ATAD3B: variants seen among roughly 807,000 people sequenced by gnomAD.
ATAD3B encodes the protein ATPase family AAA domain containing 3B.
ATAD3B carries 59 observed loss-of-function variants against 70.2 expected under a neutral mutation model. The observed-to-expected ratio is 0.84, with a 90% CI of 0.68 to 1.04. The LOEUF (loss-of-function observed/expected upper bound fraction) is 1.04. ATAD3B is among the 50% of genes least tolerant of loss of function. The pLI, the probability that ATAD3B is intolerant of heterozygous loss-of-function variation, is 0.00. For missense variants in ATAD3B, 961 were observed against 913.4 expected, an observed-to-expected ratio of 1.05 and a Z score of -0.67; for synonymous variants, 423 against 388.6, an observed-to-expected ratio of 1.09 and a Z score of -1.04.
In ATAD3B at chr1:1,478,257, A is replaced by C. The variant is rs550311204; in HGVS notation, c.283-387A>C. ...GGTGATCCAGCCACTTTGGCCTCAC[A>C]AAGTGCTGGGATTATAGGCAAGAGC... On this transcript the variant is annotated intron_variant, in intron 2 of 15. Transcript: ENST00000673477. 37 of 650,604 alleles carry C rather than the reference A, an allele frequency of 5.7e-5. No homozygotes were observed. In the East Asian group the frequency reaches 1.0e-3, roughly 18 times the overall value. 40.3% of individuals were successfully genotyped at this position (650,604 alleles called of 1,614,324 possible).
At chr1:1,505,444 C>A in the ATAD3B span, among the ~76,000 whole-genome samples, 12 of 152,328 alleles carry the variant, frequency 7.9e-5, no homozygotes, top group Middle Eastern at 3.4e-3. Context: ...GTTAGGCCTT[C>A]GGATAACTGT....
intron 15 of ATAD3B, among the ~76,000 whole-genome samples, 155 bp from the exon 16 acceptor site, chr1:1,495,330 G>A (rs777345604): frequency 5.3e-5 from 8 of 152,180 alleles, no homozygotes; most frequent in East Asian, 1.9e-4. Context: ...GTCCACACGC[G>A]TGCTGGGCTC....
At chr1:1,491,955 TCAG>T (rs1640561592) in intron 15 of ATAD3B, among the ~76,000 whole-genome samples, 1 of 151,490 alleles carries the variant, frequency 6.6e-6, no homozygotes, top group Non-Finnish European at 1.5e-5. Context: ...GGAGGCCAAG[TCAG>T]TCAGATTATT....
intron 4 of ATAD3B, among the ~76,000 whole-genome samples, chr1:1,479,328 CCA>C (rs1313714830): frequency 6.8e-6 from 1 of 147,686 alleles, no homozygotes; most frequent in African/African-American, 2.5e-5. Flanking sequence ...AGGCACCTGC[CCA>C]CACAGACACA....
At chr1:1,478,492 G>T (rs752394354) in intron 2 of ATAD3B, 152 bp from the exon 3 acceptor site, 2 of 1,548,876 alleles carry the variant, frequency 1.3e-6, no homozygotes, top group South Asian at 1.2e-5. Context: ...GCCTGATCCT[G>T]GGTGCAGATG....
intron 5 of ATAD3B, among the ~76,000 whole-genome samples, 184 bp downstream of exon 5, chr1:1,481,120 C>G (rs1353458073): frequency 7.2e-6 from 1 of 139,762 alleles, no homozygotes; most frequent in Non-Finnish European, 1.5e-5. Context: ...CGAGTGGACG[C>G]CAGGATCTGT....
intron 1 of ATAD3B, among the ~76,000 whole-genome samples, chr1:1,473,049 T>C (rs927599617): frequency 1.3e-5 from 2 of 148,728 alleles, no homozygotes; most frequent in African/African-American, 5.0e-5. Flanking sequence ...GCTCTCCAAC[T>C]CCTGACCTCG....
In ATAD3B at chr1:1,485,777, G is replaced by T. The variant is rs1622213; in HGVS notation, c.907-5G>T. On this transcript the variant is annotated splice_polypyrimidine_tract_variant and splice_region_variant and intron_variant, in intron 8 of 15. Coordinates refer to ENST00000673477, the MANE Select transcript of ATAD3B (RefSeq NM_031921.6). ...CCAATGGTGCTTCCCCTTCCCCTCC[G>T]GCAGGTCAGCCGGCGGCTCCTCAGT... 1.2e-6 allele frequency: 2 copies of T among 1,612,576 alleles called. No homozygotes were observed. Among genetic ancestry groups the T allele is most frequent in the Middle Eastern group, 1.7e-4 (1 of 5,964 alleles).
chr1:1,488,791 C>T (rs376072261), intron 12 of ATAD3B, among the ~76,000 whole-genome samples: 1 of 151,736 alleles, frequency 6.6e-6, no homozygotes, highest in Admixed American at 6.6e-5. Flanking sequence ...ATCGCCTTGA[C>T]CTTCTGAAGT....
At chr1:1,502,506 CATTT>C (rs1640966934), downstream of ATAD3B, among the ~76,000 whole-genome samples, 3 of 113,704 alleles carry the variant, frequency 2.6e-5, no homozygotes, top group Admixed American at 9.3e-5. Flanking sequence ...CCGTGCCCAG[CATTT>C]TTTTTTTTTT....
Position 1,480,147 on chromosome 1 carries a change from TCATA to T in ATAD3B, c.445-714_445-711del, listed in dbSNP as rs1385103993. Among the ~76,000 whole-genome samples the T allele has an allele frequency of 3.4e-4, 46 of 135,952 alleles. 2 individuals carry two copies. The highest frequency in any genetic ancestry group is 1.3e-3 in the African/African-American group (43 of 34,010). The allele number at this position is 135,952 out of a possible 152,430, so 89.2% of individuals were successfully genotyped here. On this transcript the variant is annotated intron_variant, in intron 4 of 15. Coordinates refer to ENST00000673477, the MANE Select transcript of ATAD3B (RefSeq NM_031921.6). ...TACGCACCCCCACTCACAGTGTGCC[TCATA>T]CATACGGGCACGCACCTGCACACGA...
At chr1:1,473,426 G>T (rs986150528) in intron 1 of ATAD3B, among the ~76,000 whole-genome samples, 34 of 150,382 alleles carry the variant, frequency 2.3e-4, no homozygotes, top group Admixed American at 1.3e-3. Flanking sequence ...GGGTGGTCTC[G>T]ATCTCCTGAC....
rs373282278 is a variant in ATAD3B at position 1,482,347 on chromosome 1, C to G, written c.680+44C>G. The G allele has an allele frequency of 1.4e-4, 211 of 1,552,420 alleles. 6 individuals are homozygous for G. The African/African-American group carries it at 2.6e-3, about 19-fold the overall frequency. On this transcript the variant is annotated intron_variant, in intron 6 of 15. Transcript: ENST00000673477. ...CGGGCCGGCCACAGATGGAGCCCCGCAGGTGTGAGTCGCTGGTCCCAGGGC... is the reference window on the plus strand; with the variant it reads ...CGGGCCGGCCACAGATGGAGCCCCGGAGGTGTGAGTCGCTGGTCCCAGGGC...
Position 1,477,154 on chromosome 1 carries a change from G to C in ATAD3B, c.206-120G>C, listed in dbSNP as rs865842188. ...CCTCAGAGTTGCTGGGATTACAGGC[G>C]TGAACCACCGCTTCCCACTAGGTTT... On this transcript the variant is annotated intron_variant, in intron 1 of 15. Coordinates refer to ENST00000673477, the MANE Select transcript of ATAD3B (RefSeq NM_031921.6). 2.1e-5 allele frequency: 28 copies of C among 1,352,558 alleles called. 1 individual carries two copies. The highest frequency in any genetic ancestry group is 9.1e-5 in the South Asian group (7 of 76,828). The allele number at this position is 1,352,558 out of a possible 1,614,324, so 83.8% of individuals were successfully genotyped here. A position where few individuals can be genotyped will look rare whatever the true frequency, so the allele number is the denominator to read the frequency against.
In ATAD3B at chr1:1,487,860, C is replaced by T; in HGVS notation, c.1215-3C>T. The T allele has an allele frequency of 1.2e-6, 2 of 1,613,020 alleles. No individual in the cohort carries two copies. Among genetic ancestry groups the T allele is most frequent in the Middle Eastern group, 1.7e-4 (1 of 6,000 alleles). On this transcript the variant is annotated splice_polypyrimidine_tract_variant and splice_region_variant and intron_variant, in intron 11 of 15. Coordinates refer to ENST00000673477, the MANE Select transcript of ATAD3B (RefSeq NM_031921.6). The stretch of plus-strand genomic sequence containing the variant: ...CCTTGCTTGGCCTCTCTCTCGTTCA[C>T]AGCCTCCTGCTCTTCATGGATGAAG...
the ATAD3B span, chr1:1,509,156 G>C: frequency 2.5e-6 from 4 of 1,598,342 alleles, no homozygotes; most frequent in African/African-American, 1.4e-5. Context: ...TGCATTTGGG[G>C]TGGGGGGTTC....
intron 13 of ATAD3B, chr1:1,489,852 CTG>C (rs1640436108): frequency 8.2e-7 from 1 of 1,222,636 alleles, no homozygotes; most frequent in African/African-American, 1.6e-5. Context: ...TGCTGAGCCT[CTG>C]CTGAACCCGG....
chr1:1,498,819 A>G (rs1042624909), downstream of ATAD3B, among the ~76,000 whole-genome samples: 2 of 151,292 alleles, frequency 1.3e-5, no homozygotes, highest in African/African-American at 4.9e-5. Context: ...CAAAAGAAGT[A>G]GCACTCGAAT....
the ATAD3B span, among the ~76,000 whole-genome samples, chr1:1,503,954 T>C: frequency 6.6e-6 from 1 of 152,042 alleles, no homozygotes; most frequent in African/African-American, 2.4e-5. Flanking sequence ...CAGAATTTTT[T>C]TTGCATTGCA....
Sources: gnomAD v4.1 joint callset for allele counts (sites outside exome capture counted in the v4.1 genomes callset) on GRCh38, gnomAD v4.1.1 for gene constraint, MANE v1.5 for transcripts, NCBI Gene and HGNC (gene_info 2026-07-23, HGNC 2026-07-21) for gene names.